Variants in GABRB3 observed in about 807,000 individuals in gnomAD.
GABRB3 encodes gamma-aminobutyric acid type A receptor subunit beta3.
In GABRB3, 14 loss-of-function variants were observed where a neutral mutation model predicts 52.1. The ratio of observed to expected loss-of-function variants is 0.27; its 90% CI spans 0.18 to 0.42. GABRB3 has a LOEUF of 0.42. Ranked by LOEUF, GABRB3 falls within the 10% of genes least tolerant of loss-of-function variation. The pLI, the probability that GABRB3 is intolerant of heterozygous loss-of-function variation, is 1.00. For missense variants in GABRB3, 307 were observed against 609.1 expected, an observed-to-expected ratio of 0.50 and a Z score of 5.22; for synonymous variants, 260 against 232.3, an observed-to-expected ratio of 1.12 and a Z score of -1.08.
At chr15:26,612,486 A>G (rs1360232948) in intron 4 of GABRB3, 1 of 152,200 alleles carries the variant, frequency 6.6e-6, no homozygotes, top group African/African-American at 2.4e-5. Context: ...TAATGGAGCA[A>G]TGATTCCACT....
At chr15:26,766,713 C>T (rs1264432399) in intron 3 of GABRB3, among the ~76,000 whole-genome samples, 1 of 151,698 alleles carries the variant, frequency 6.6e-6, no homozygotes, top group African/African-American at 2.4e-5. Flanking sequence ...GCAACTCCAA[C>T]TGCAACCTAC....
At chr15:26,681,609 T>A (rs1888242291) in intron 3 of GABRB3, among the ~76,000 whole-genome samples, 1 of 152,220 alleles carries the variant, frequency 6.6e-6, no homozygotes, top group Non-Finnish European at 1.5e-5. Flanking sequence ...ATCTTGGTTC[T>A]AATTAATGAC....
chr15:26,554,118 AGT>A lies in GABRB3; in HGVS notation c.1081-5986_1081-5985del, dbSNP rs1383435138. On this transcript the variant is annotated intron_variant, in intron 8 of 8. Coordinates refer to ENST00000311550, the MANE Select transcript of GABRB3 (RefSeq NM_000814.6). ...GTATAAAGTGTGTGTATATATATAA[AGT>A]GTGTGTGTATATATATATATAAAGT... Among the ~76,000 whole-genome samples, 559 of 89,164 alleles carry A rather than the reference AGT, an allele frequency of 6.3e-3. 27 individuals are homozygous for A. Among genetic ancestry groups the A allele is most frequent in the African/African-American group, 0.022 (470 of 20,920 alleles). 58.5% of individuals were successfully genotyped at this position (89,164 alleles called of 152,430 possible).
chr15:26,629,203 C>T lies in GABRB3; in HGVS notation c.241-7669G>A, dbSNP rs990581635. The T allele has an allele frequency of 4.4e-5, 64 of 1,444,690 alleles. 1 individual carries two copies. The African/African-American group carries it at 7.5e-4, about 17-fold the overall frequency. The allele number at this position is 1,444,690 out of a possible 1,614,324, so 89.5% of individuals were successfully genotyped here. A position where few individuals can be genotyped will look rare whatever the true frequency, so the allele number is the denominator to read the frequency against. On this transcript the variant is annotated intron_variant, in intron 3 of 8. Transcript: ENST00000311550. ...GGAGACGGAGGGCTTTGCGAAGCGGCGGCAATCAGGGGCGGGGCCTGGAAA... is the reference window on the plus strand; with the variant it reads ...GGAGACGGAGGGCTTTGCGAAGCGGTGGCAATCAGGGGCGGGGCCTGGAAA...
chr15:26,715,652 T>G (rs1285904063), intron 3 of GABRB3, among the ~76,000 whole-genome samples: 2 of 152,178 alleles, frequency 1.3e-5, no homozygotes, highest in South Asian at 2.1e-4. Flanking sequence ...TCAGATAAAA[T>G]TATAGATAAT....
intron 3 of GABRB3, among the ~76,000 whole-genome samples, chr15:26,765,273 T>C (rs1226290680): frequency 6.6e-6 from 1 of 152,150 alleles, no homozygotes; most frequent in Admixed American, 6.5e-5. Context: ...TTACATATGC[T>C]AAATTTTGAG....
intron 3 of GABRB3, among the ~76,000 whole-genome samples, chr15:26,634,537 T>A (rs916269606): frequency 2.6e-5 from 4 of 152,098 alleles, no homozygotes; most frequent in Admixed American, 2.0e-4. Flanking sequence ...GGCAACGGAT[T>A]AGAGGATGAG....
rs1348288306 is a variant in GABRB3 at position 26,554,207 on chromosome 15, A to ATATATATTTATTTATT, written c.1081-6074_1081-6073insAATAAATAAATATATA. ...ATATATATACTATATATATATATAT[A>ATATATATTTATTTATT]TAGTAGAAACAAGGTCTCTCTTTGT... On this transcript the variant is annotated intron_variant, in intron 8 of 8. Transcript: ENST00000311550. Among the ~76,000 whole-genome samples, 144 of 57,824 alleles carry ATATATATTTATTTATT rather than the reference A, an allele frequency of 2.5e-3. 5 individuals are homozygous for ATATATATTTATTTATT. Among genetic ancestry groups the ATATATATTTATTTATT allele is most frequent in the Non-Finnish European group, 4.8e-3 (115 of 24,136 alleles). 37.9% of individuals were successfully genotyped at this position (57,824 alleles called of 152,430 possible). A position where few individuals can be genotyped will look rare whatever the true frequency, so the allele number is the denominator to read the frequency against.
chr15:26,619,593 C>A, intron 4 of GABRB3, among the ~76,000 whole-genome samples: 1 of 151,044 alleles, frequency 6.6e-6, no homozygotes, highest in African/African-American at 2.4e-5. Flanking sequence ...GGGTGCAGCG[C>A]ACTAGCATGG....
chr15:26,660,381 G>T (rs769944795), intron 3 of GABRB3, among the ~76,000 whole-genome samples: 1 of 152,110 alleles, frequency 6.6e-6, no homozygotes, highest in African/African-American at 2.4e-5. Context: ...TAAAACCACC[G>T]GATCTCAGAT....
At chr15:26,711,462 G>C (rs1041195901) in intron 3 of GABRB3, among the ~76,000 whole-genome samples, 1 of 105,888 alleles carries the variant, frequency 9.4e-6, no homozygotes, top group Non-Finnish European at 2.2e-5. Flanking sequence ...CCACTGCTCC[G>C]CTCGGCCTCA....
At chr15:26,549,453 G>C (rs1889377149) in intron 8 of GABRB3, among the ~76,000 whole-genome samples, 1 of 152,126 alleles carries the variant, frequency 6.6e-6, no homozygotes, top group African/African-American at 2.4e-5. Context: ...CTACAGGTTT[G>C]GTAACACCAT....
intron 3 of GABRB3, among the ~76,000 whole-genome samples, chr15:26,662,645 C>T (rs1887586571): frequency 1.3e-5 from 2 of 152,284 alleles, no homozygotes; most frequent in East Asian, 3.9e-4. Flanking sequence ...GGTCCTTGCA[C>T]GCACAGCTCG....
intron 3 of GABRB3, among the ~76,000 whole-genome samples, chr15:26,723,599 C>A (rs1036952443): frequency 2.0e-5 from 3 of 152,198 alleles, no homozygotes; most frequent in Non-Finnish European, 4.4e-5. Flanking sequence ...ACACACCTGA[C>A]CTCCCAGCCA....
At chr15:26,730,842 G>T (rs1889892166) in intron 3 of GABRB3, among the ~76,000 whole-genome samples, 1 of 152,178 alleles carries the variant, frequency 6.6e-6, no homozygotes, top group Non-Finnish European at 1.5e-5. Context: ...ATGTAAAACA[G>T]GGTTAAGAGT....
intron 3 of GABRB3, among the ~76,000 whole-genome samples, chr15:26,744,211 T>G (rs1890279195): frequency 6.6e-6 from 1 of 152,316 alleles, no homozygotes; most frequent in South Asian, 2.1e-4. Context: ...GACACAGCGG[T>G]TGAGTATTTG....
chr15:26,772,661 GC>G lies in GABRB3; in HGVS notation c.172+19del, dbSNP rs1891184731. On this transcript the variant is annotated intron_variant, in intron 2 of 8. Coordinates refer to ENST00000311550, the MANE Select transcript of GABRB3 (RefSeq NM_000814.6). ...GCCGTGGGTCGCGCTTCCCGCAACG[GC>G]CGCGCGCAGCCCACTTACCCCCGAA... The G allele has an allele frequency of 1.3e-6, 2 of 1,553,102 alleles. No homozygotes were observed. The highest frequency in any genetic ancestry group is 2.8e-5 in the African/African-American group (2 of 70,336).
intron 3 of GABRB3, among the ~76,000 whole-genome samples, chr15:26,768,289 T>A (rs1778874973): frequency 6.6e-6 from 1 of 152,176 alleles, no homozygotes; most frequent in Non-Finnish European, 1.5e-5. Context: ...GCAAGTTAAA[T>A]CACAGGAATT....
Position 26,772,997 on chromosome 15 carries a change from C to G in GABRB3, c.-35G>C, listed in dbSNP as rs1891198992. The G allele has an allele frequency of 7.5e-7, 1 of 1,336,186 alleles. No individual in the cohort carries two copies. Among genetic ancestry groups the G allele is most frequent in the African/African-American group, 1.5e-5 (1 of 65,174 alleles). 82.8% of individuals were successfully genotyped at this position (1,336,186 alleles called of 1,614,324 possible). On this transcript the variant is annotated 5_prime_UTR_variant, in exon 1 of 9. Coordinates refer to ENST00000311550, the MANE Select transcript of GABRB3 (RefSeq NM_000814.6). ...GCGCCCCGGCACGGGGGAGGGGGCG[C>G]CCCGCCGCCGTCGCGACCCGCAGCC...
Sources: allele counts gnomAD v4.1 joint callset (sites outside exome capture counted in the v4.1 genomes callset), GRCh38; gene constraint gnomAD v4.1.1; transcripts MANE v1.5; gene names NCBI Gene and HGNC (gene_info 2026-07-23, HGNC 2026-07-21).